The following HIVEP3 variants were observed in gnomAD, a reference collection of about 807,000 sequenced individuals.
HIVEP3 encodes transcription factor HIVEP3.
Under a neutral mutation model 152.8 loss-of-function variants are expected in HIVEP3, and 49 were observed. The observed-to-expected ratio is 0.32, with a 90% CI of 0.26 to 0.41. The LOEUF is 0.41. Ranked by LOEUF, HIVEP3 falls within the 10% of genes least tolerant of loss-of-function variation. The pLI, the probability that HIVEP3 is intolerant of heterozygous loss-of-function variation, is 1.00. For synonymous variants in HIVEP3, 1,269 were observed against 1,289.0 expected (o/e 0.98, Z 0.33); for missense variants, 2,790 against 3,103.3 (o/e 0.90, Z 2.40).
intron 1 of HIVEP3, among the ~76,000 whole-genome samples, chr1:41,781,276 A>G (rs930641116): frequency 6.6e-6 from 1 of 152,168 alleles, no homozygotes; most frequent in Non-Finnish European, 1.5e-5. Context: ...CATTGTGACA[A>G]TGTACAATGC....
At chr1:41,603,195 T>G (rs1570074660) in intron 3 of HIVEP3, among the ~76,000 whole-genome samples, 1 of 151,334 alleles carries the variant, frequency 6.6e-6, no homozygotes, top group African/African-American at 2.4e-5. Context: ...GCCTCCTGAA[T>G]AGCTGGGATT....
At chr1:41,536,573 G>A (rs1643407188) in intron 5 of HIVEP3, among the ~76,000 whole-genome samples, 1 of 152,122 alleles carries the variant, frequency 6.6e-6, no homozygotes, top group African/African-American at 2.4e-5. Context: ...GGACGCGGTG[G>A]GGACTGTGGT....
At chr1:41,764,307 C>T (rs1208006648) in intron 1 of HIVEP3, among the ~76,000 whole-genome samples, 1 of 152,076 alleles carries the variant, frequency 6.6e-6, no homozygotes, top group African/African-American at 2.4e-5. Context: ...CATCATAGCC[C>T]AGGCAGGAGG....
At chr1:41,723,238 C>A (rs1646702964) in intron 1 of HIVEP3, among the ~76,000 whole-genome samples, 1 of 152,040 alleles carries the variant, frequency 6.6e-6, no homozygotes, top group East Asian at 1.9e-4. Context: ...TCTGCCAGAT[C>A]TTGAGTCACT....
intron 1 of HIVEP3, among the ~76,000 whole-genome samples, chr1:41,749,392 C>T (rs1647121540): frequency 2.2e-5 from 1 of 45,434 alleles, no homozygotes; most frequent in Non-Finnish European, 7.4e-5. Flanking sequence ...CTCTCTGAAA[C>T]CTTAGAAAAA....
intron 5 of HIVEP3, among the ~76,000 whole-genome samples, chr1:41,560,562 C>T (rs1018282092): frequency 6.6e-6 from 1 of 152,230 alleles, no homozygotes; most frequent in African/African-American, 2.4e-5. Flanking sequence ...TTCATGCACC[C>T]TTGGGATGCG....
At chr1:41,544,733 TACCATC>T (rs1643639366) in intron 5 of HIVEP3, among the ~76,000 whole-genome samples, 2 of 88,792 alleles carry the variant, frequency 2.3e-5, no homozygotes, top group Admixed American at 1.2e-4. Context: ...CCACCACCGC[TACCATC>T]ACCACCACTA....
At chr1:42,033,982 A>G (rs1033637483) in intron 1 of HIVEP3, among the ~76,000 whole-genome samples, 1 of 152,090 alleles carries the variant, frequency 6.6e-6, no homozygotes, top group Non-Finnish European at 1.5e-5. Flanking sequence ...ATATCTGTAA[A>G]CCCCTCAAAA....
chr1:41,526,403 C>A lies in HIVEP3; in HGVS notation c.5208-1493G>T, dbSNP rs556037514. On this transcript the variant is annotated intron_variant, in intron 5 of 8. Coordinates refer to ENST00000372583, the MANE Select transcript of HIVEP3 (RefSeq NM_024503.5). The stretch of plus-strand genomic sequence containing the variant: ...TCGCCCTCACACTCACACATGCCCA[C>A]ACCCCCACACTCACCCTCACACTCA... Among the ~76,000 whole-genome samples the A allele has an allele frequency of 4.8e-5, 7 of 146,322 alleles. No homozygotes were observed. In the South Asian group the frequency reaches 1.1e-3, roughly 23 times the overall value.
intron 3 of HIVEP3, among the ~76,000 whole-genome samples, chr1:41,600,028 A>G (rs1330141435): frequency 6.6e-6 from 1 of 152,188 alleles, no homozygotes; most frequent in Non-Finnish European, 1.5e-5. Context: ...ACCACCTCAC[A>G]CACATTAAAA....
At chr1:41,969,398 A>G (rs919280166) in intron 1 of HIVEP3, among the ~76,000 whole-genome samples, 1 of 152,200 alleles carries the variant, frequency 6.6e-6, no homozygotes, top group Non-Finnish European at 1.5e-5. Flanking sequence ...ACTCAGAAAT[A>G]AGACCACACA....
chr1:41,938,039 C>T (rs758099343), intron 1 of HIVEP3, among the ~76,000 whole-genome samples: 19 of 152,180 alleles, frequency 1.2e-4, no homozygotes, highest in African/African-American at 2.7e-4. Context: ...GTGCCAAAGT[C>T]TTCTTCTCCT....
chr1:41,656,481 C>T (rs746799320), intron 2 of HIVEP3, among the ~76,000 whole-genome samples: 5 of 152,220 alleles, frequency 3.3e-5, no homozygotes, highest in Non-Finnish European at 7.3e-5. Flanking sequence ...TCCCCATGCC[C>T]GCCTTTCACC....
chr1:41,917,421 T>C (rs1185770737), intron 1 of HIVEP3, among the ~76,000 whole-genome samples: 1 of 152,134 alleles, frequency 6.6e-6, no homozygotes, highest in Non-Finnish European at 1.5e-5. Flanking sequence ...CGTCAGCGTA[T>C]ACCAGAAAGA....
chr1:41,917,306 C>T (rs932414772), intron 1 of HIVEP3, among the ~76,000 whole-genome samples: 3 of 152,158 alleles, frequency 2.0e-5, no homozygotes, highest in African/African-American at 7.2e-5. Flanking sequence ...TCTTCCCTCC[C>T]CCCGTAACAC....
At chr1:41,713,105 A>G (rs902723115) in intron 1 of HIVEP3, among the ~76,000 whole-genome samples, 1 of 152,174 alleles carries the variant, frequency 6.6e-6, no homozygotes, top group Non-Finnish European at 1.5e-5. Context: ...AGGATTAAAT[A>G]AAGTAAGAAA....
At chr1:41,810,782 C>T (rs150364623) in intron 1 of HIVEP3, among the ~76,000 whole-genome samples, 2,498 of 152,366 alleles carry the variant, frequency 0.016, 38 homozygotes, top group Non-Finnish European at 0.021. Context: ...TTTGGCTTCA[C>T]TGTTGTACCT....
chr1:41,761,661 A>C (rs939372945), intron 1 of HIVEP3, among the ~76,000 whole-genome samples: 3 of 152,134 alleles, frequency 2.0e-5, no homozygotes, highest in Admixed American at 2.0e-4. Flanking sequence ...GTGCATGTAC[A>C]CATGTGTATA....
chr1:41,637,452 C>G (rs1177663672), intron 2 of HIVEP3, among the ~76,000 whole-genome samples: 1 of 152,366 alleles, frequency 6.6e-6, no homozygotes, highest in East Asian at 1.9e-4. Flanking sequence ...CCCTGCCCCC[C>G]TCCCTCAACA....
Sources: allele counts gnomAD v4.1 joint callset (sites outside exome capture counted in the v4.1 genomes callset), GRCh38; gene constraint gnomAD v4.1.1; transcripts MANE v1.5; gene names NCBI Gene and HGNC (gene_info 2026-07-23, HGNC 2026-07-21).